GRIN2B: variants seen among roughly 807,000 people sequenced by gnomAD.
GRIN2B encodes the protein glutamate ionotropic receptor NMDA type subunit 2B, also known as glutamate receptor ionotropic, NMDA 2B.
GRIN2B carries 5 observed loss-of-function variants against 114.5 expected under a neutral mutation model. That is an observed-to-expected ratio of 0.04 (90% CI 0.02 to 0.09). GRIN2B has a LOEUF of 0.09. GRIN2B is among the 10% of genes least tolerant of loss of function. The pLI, the probability that GRIN2B is intolerant of heterozygous loss-of-function variation, is 1.00. For synonymous variants in GRIN2B, 787 were observed against 745.1 expected (o/e 1.06, Z -0.92); for missense variants, 1,108 against 1,943.5 (o/e 0.57, Z 8.08).
intron 5 of GRIN2B, among the ~76,000 whole-genome samples, chr12:13,651,817 C>G (rs1328462140): frequency 6.6e-6 from 1 of 152,110 alleles, no homozygotes; most frequent in Non-Finnish European, 1.5e-5. Flanking sequence ...GTTTCTCTGA[C>G]TTGATATTTG....
In GRIN2B at chr12:13,690,011, T is replaced by C. The variant is rs181865381; in HGVS notation, c.1011-14152A>G. On this transcript the variant is annotated intron_variant, in intron 4 of 13. Transcript: ENST00000609686. Reference sequence around the variant, plus strand: ...CTCCAGTCCACATTTCAACATTTCATTTATTGTTCACTTGACTTGTTCTGT... The same window carrying C: ...CTCCAGTCCACATTTCAACATTTCACTTATTGTTCACTTGACTTGTTCTGT... Among the ~76,000 whole-genome samples, 54 of 152,258 alleles carry C rather than the reference T, an allele frequency of 3.5e-4. 1 individual carries two copies. In the East Asian group the frequency reaches 8.9e-3, roughly 25 times the overall value.
At position 13,793,353 on chromosome 12, in the gene GRIN2B, G is replaced by A. The variant is rs567822329; in HGVS notation, c.412-39438C>T. Among the ~76,000 whole-genome samples the A allele has an allele frequency of 6.8e-4, 104 of 152,184 alleles. 1 individual carries two copies. Among genetic ancestry groups the A allele is most frequent in the Middle Eastern group, 3.4e-3 (1 of 294 alleles). On this transcript the variant is annotated intron_variant, in intron 3 of 13. Transcript: ENST00000609686. ...TGAGAATCTCTTGAACCTCAGAGGC[G>A]GAGGTTGCAGTGAGCTGAGATTGTG...
chr12:13,843,394 A>G (rs117613781), intron 3 of GRIN2B, among the ~76,000 whole-genome samples: 1 of 152,196 alleles, frequency 6.6e-6, no homozygotes, highest in Non-Finnish European at 1.5e-5. Flanking sequence ...ATATTTTTAT[A>G]ATTTTTGTAT....
intron 3 of GRIN2B, among the ~76,000 whole-genome samples, chr12:13,767,102 A>C (rs1863807491): frequency 1.3e-5 from 2 of 151,128 alleles, no homozygotes; most frequent in African/African-American, 4.9e-5. Flanking sequence ...TAAAAAATAC[A>C]AAAAAAAATT....
intron 2 of GRIN2B, among the ~76,000 whole-genome samples, chr12:13,905,038 A>G (rs1866514879): frequency 6.6e-6 from 1 of 152,072 alleles, no homozygotes; most frequent in Admixed American, 6.6e-5. Flanking sequence ...ATTTATAACT[A>G]TAGGTAGATA....
chr12:13,733,835 G>A (rs1863132176), intron 4 of GRIN2B, among the ~76,000 whole-genome samples: 1 of 152,182 alleles, frequency 6.6e-6, no homozygotes, highest in African/African-American at 2.4e-5. Context: ...TAGGGCTCAC[G>A]TCTTCTAAAT....
At position 13,539,884 on chromosome 12, in the gene GRIN2B, ATTTC is replaced by A. The variant is rs1948255451; in HGVS notation, c.*22895_*22898del. 6.6e-6 allele frequency: 1 copy of A among 152,214 alleles called. No individual in the cohort carries two copies. Among genetic ancestry groups the A allele is most frequent in the Non-Finnish European group, 1.5e-5 (1 of 68,040 alleles). 9.4% of individuals were successfully genotyped at this position (152,214 alleles called of 1,614,324 possible). ...TTGAGACAATTAGTGAACACTGGAT[ATTTC>A]TTATCAAGGAATTATGGCTACCTTA... is the stretch of plus-strand genomic sequence containing the variant. On this transcript the variant is annotated 3_prime_UTR_variant, in exon 14 of 14. Coordinates refer to ENST00000609686, the MANE Select transcript of GRIN2B (RefSeq NM_000834.5).
intron 5 of GRIN2B, among the ~76,000 whole-genome samples, chr12:13,653,416 A>G (rs931746274): frequency 1.3e-5 from 2 of 152,104 alleles, no homozygotes; most frequent in African/African-American, 4.8e-5. Context: ...ACTTTTAGAC[A>G]GGCATTTTTC....
At chr12:13,918,097 G>T (rs1372955862) in intron 2 of GRIN2B, among the ~76,000 whole-genome samples, 1 of 152,152 alleles carries the variant, frequency 6.6e-6, no homozygotes, top group Non-Finnish European at 1.5e-5. Context: ...ACATCCATCA[G>T]ATTTAGCTTT....
chr12:13,614,910 G>A (rs892461135), intron 8 of GRIN2B, among the ~76,000 whole-genome samples: 4 of 152,184 alleles, frequency 2.6e-5, no homozygotes, highest in African/African-American at 9.7e-5. Context: ...ATGGCATTAT[G>A]CTTTCCTATT....
At position 13,547,981 on chromosome 12, in the gene GRIN2B, A is replaced by ATATATATCTATATATTTTTTTTTTT; in HGVS notation, c.*14801_*14802insAAAAAAAAAAATATATAGATATATA. Reference sequence around the variant, plus strand: ...TGTGTATATATATATATATATATATATTTTTTTTTTTTTTCTGAAAGCTAC... The same window carrying ATATATATCTATATATTTTTTTTTTT: ...TGTGTATATATATATATATATATATATATATATCTATATATTTTTTTTTTTTTTTTTTTTTTTTTCTGAAAGCTAC... On this transcript the variant is annotated 3_prime_UTR_variant, in exon 14 of 14. Transcript: ENST00000609686. The ATATATATCTATATATTTTTTTTTTT allele has an allele frequency of 1.5e-5, 1 of 68,578 alleles. No individual in the cohort carries two copies. Among genetic ancestry groups the ATATATATCTATATATTTTTTTTTTT allele is most frequent in the African/African-American group, 4.6e-5 (1 of 21,750 alleles). 4.2% of individuals were successfully genotyped at this position (68,578 alleles called of 1,614,324 possible).
chr12:13,701,216 G>A (rs1160461860), intron 4 of GRIN2B, among the ~76,000 whole-genome samples: 1 of 152,136 alleles, frequency 6.6e-6, no homozygotes, highest in Non-Finnish European at 1.5e-5. Context: ...CTTGACACAT[G>A]AGGATTATGA....
chr12:13,579,926 G>A (rs934340589), intron 10 of GRIN2B, among the ~76,000 whole-genome samples: 4 of 152,202 alleles, frequency 2.6e-5, no homozygotes, highest in Non-Finnish European at 5.9e-5. Flanking sequence ...GCTTTGGAAG[G>A]GTGGCGATGG....
rs1948320386 is a variant in GRIN2B, at chr12:13,544,498, T to A, written c.*18285A>T. On this transcript the variant is annotated 3_prime_UTR_variant, in exon 14 of 14. Coordinates refer to ENST00000609686, the MANE Select transcript of GRIN2B (RefSeq NM_000834.5). ...AAATATGTATCTTCAGGCTATACAT[T>A]TTCCCTGAACTCCAGGTCCATATAT... The A allele has an allele frequency of 6.6e-6, 1 of 152,120 alleles. No individual in the cohort carries two copies. 9.4% of individuals were successfully genotyped at this position (152,120 alleles called of 1,614,324 possible).
intron 4 of GRIN2B, among the ~76,000 whole-genome samples, chr12:13,700,236 A>G (rs971075053): frequency 3.3e-5 from 5 of 152,120 alleles, no homozygotes; most frequent in African/African-American, 1.2e-4. Flanking sequence ...ACTGATGGCA[A>G]TTTTAAGGAG....
chr12:13,549,789 T>A lies in GRIN2B; in HGVS notation c.*12994A>T, dbSNP rs1452740006. 1 of 152,230 alleles carries A rather than the reference T, an allele frequency of 6.6e-6. No individual in the cohort carries two copies. The highest frequency in any genetic ancestry group is 1.5e-5 in the Non-Finnish European group (1 of 68,042). The allele number at this position is 152,230 out of a possible 1,614,324, so 9.4% of individuals were successfully genotyped here. A position where few individuals can be genotyped will look rare whatever the true frequency, so the allele number is the denominator to read the frequency against. On this transcript the variant is annotated 3_prime_UTR_variant, in exon 14 of 14. Coordinates refer to ENST00000609686, the MANE Select transcript of GRIN2B (RefSeq NM_000834.5). ...AAGTTTTCTTCACCGTGGAAACCTC[T>A]CTAACCTTTCTGATTTTCAAATTTT...
intron 5 of GRIN2B, among the ~76,000 whole-genome samples, chr12:13,636,535 G>A (rs113617438): frequency 3.3e-5 from 5 of 152,300 alleles, no homozygotes; most frequent in Middle Eastern, 3.4e-3. Context: ...TGGCAATAGA[G>A]GGAGTGTGAA....
chr12:13,865,527 G>A (rs944805923), intron 3 of GRIN2B, among the ~76,000 whole-genome samples: 2 of 152,158 alleles, frequency 1.3e-5, no homozygotes, highest in African/African-American at 4.8e-5. Flanking sequence ...AGCTACTCGG[G>A]AGGCTGAGGC....
intron 2 of GRIN2B, among the ~76,000 whole-genome samples, chr12:13,959,784 TTG>T (rs1555161863): frequency 6.7e-6 from 1 of 150,282 alleles, no homozygotes. Flanking sequence ...TTTTTTTTTT[TTG>T]GTCTTCACCA....
Sources: gnomAD v4.1 joint callset for allele counts (sites outside exome capture counted in the v4.1 genomes callset) on GRCh38, gnomAD v4.1.1 for gene constraint, MANE v1.5 for transcripts, NCBI Gene and HGNC (gene_info 2026-07-23, HGNC 2026-07-21) for gene names.